The following SAMSN1 variants were observed in gnomAD, a reference collection of about 807,000 sequenced individuals.
SAMSN1 encodes the protein SAM domain, SH3 domain and nuclear localization signals 1.
Under a neutral mutation model 42.0 loss-of-function variants are expected in SAMSN1, and 31 were observed. The ratio of observed to expected loss-of-function variants is 0.74; its 90% CI spans 0.55 to 1.00. The LOEUF (loss-of-function observed/expected upper bound fraction) is 1.00. Ranked by LOEUF, SAMSN1 falls within the 50% of genes least tolerant of loss-of-function variation. SAMSN1 has a pLI of 0.00. For missense variants in SAMSN1, 464 were observed against 439.4 expected, an observed-to-expected ratio of 1.06 and a Z score of -0.50; for synonymous variants, 178 against 151.9, an observed-to-expected ratio of 1.17 and a Z score of -1.26.
At chr21:14,567,857 T>C (rs748329915) in intron 2 of SAMSN1, among the ~76,000 whole-genome samples, 3 of 152,154 alleles carry the variant, frequency 2.0e-5, no homozygotes, top group Non-Finnish European at 2.9e-5. Context: ...TTGCCTACTT[T>C]ACAGGATTGT....
intron 7 of SAMSN1, among the ~76,000 whole-genome samples, chr21:14,489,460 A>C (rs1371625689): frequency 1.3e-5 from 2 of 152,208 alleles, no homozygotes; most frequent in African/African-American, 2.4e-5. Context: ...TTCTCAGGTC[A>C]TCCACATTGT....
chr21:14,641,251 C>T lies in SAMSN1; in HGVS notation c.156+1751G>A, dbSNP rs533622209. On this transcript the variant is annotated intron_variant, in intron 2 of 15. Transcript: ENST00000647101. ...TGTAAAGGTAAGGGAAGAGTTTCCA[C>T]TGCATTGAAAAATATTTTTGTATTA... is the stretch of plus-strand genomic sequence containing the variant. Among the ~76,000 whole-genome samples, 103 of 152,260 alleles carry T rather than the reference C, an allele frequency of 6.8e-4. No homozygotes were observed. The Middle Eastern group carries it at 0.014, about 20-fold the overall frequency.
chr21:14,611,645 G>C (rs1389206621), intron 4 of SAMSN1, among the ~76,000 whole-genome samples: 1 of 152,180 alleles, frequency 6.6e-6, no homozygotes, highest in Non-Finnish European at 1.5e-5. Flanking sequence ...TTAAGACTGT[G>C]CACTATTCAA....
At chr21:14,564,842 G>T (rs73891819) in intron 2 of SAMSN1, among the ~76,000 whole-genome samples, 5,197 of 152,192 alleles carry the variant, frequency 0.034, 219 homozygotes, top group African/African-American at 0.1. Context: ...ACCGAAGGCT[G>T]GGGAGGATCA....
intron 2 of SAMSN1, chr21:14,619,671 AT>A (rs1982948809): frequency 3.0e-6 from 1 of 329,410 alleles, no homozygotes; most frequent in African/African-American, 2.2e-5. Context: ...CATGGCTGAT[AT>A]TCCTATAACA....
intron 1 of SAMSN1, among the ~76,000 whole-genome samples, chr21:14,545,915 C>T (rs1437309869): frequency 2.0e-5 from 3 of 152,146 alleles, no homozygotes; most frequent in Admixed American, 2.0e-4. Context: ...AACAAACACT[C>T]AGAGACCACT....
At chr21:14,599,931 A>G (rs559516307) in intron 6 of SAMSN1, among the ~76,000 whole-genome samples, 2 of 152,238 alleles carry the variant, frequency 1.3e-5, no homozygotes, top group South Asian at 4.2e-4. Context: ...GACACTCACC[A>G]ACTCTCTTGA....
chr21:14,498,703 T>C lies in SAMSN1; in HGVS notation c.769-111A>G, dbSNP rs141928553. ...TGCACATGGGGACCAAAGGTGCCAA[T>C]AGAACTTTTACTTAACTTCACTTGT... is the stretch of plus-strand genomic sequence containing the variant. On this transcript the variant is annotated intron_variant, in intron 6 of 7. Transcript: ENST00000400566. 1.7e-3 allele frequency: 1,302 copies of C among 760,314 alleles called. 5 individuals carry two copies. The African/African-American group carries it at 0.018, about 11-fold the overall frequency. 47.1% of individuals were successfully genotyped at this position (760,314 alleles called of 1,614,324 possible).
At chr21:14,581,344 CTTTTTTTTTTTTTTTT>C (rs56728511) in intron 2 of SAMSN1, among the ~76,000 whole-genome samples, 6 of 32,592 alleles carry the variant, frequency 1.8e-4, no homozygotes, top group Non-Finnish European at 2.8e-4. Flanking sequence ...AATAATATTT[CTTTTTTTTTTTTTTTT>C]TTTTTTTTTT....
In SAMSN1 at chr21:14,575,204, T is replaced by A. The variant is rs142248384; in HGVS notation, c.261+6932A>T. ...CATGCAGAATCTCCTAATTTTCAAA[T>A]TCTTCTCTTGGGTAAATGCTGATTC... On this transcript the variant is annotated intron_variant, in intron 2 of 8. Transcript: ENST00000285670. 7.6e-3 allele frequency among the ~76,000 whole-genome samples: 1,152 copies of A among 152,286 alleles called. 12 individuals carry two copies. The highest frequency in any genetic ancestry group is 0.025 in the African/African-American group (1,039 of 41,564).
rs551815850 is a variant in SAMSN1, at chr21:14,644,246, G to A, written c.25-1113C>T. Among the ~76,000 whole-genome samples the A allele has an allele frequency of 3.3e-5, 5 of 152,172 alleles. No homozygotes were observed. In the East Asian group the frequency reaches 7.8e-4, roughly 24 times the overall value. On this transcript the variant is annotated intron_variant, in intron 1 of 15. Transcript: ENST00000647101. ...CCTAACCCTAGGCTGCATATCTTGA[G>A]GCTCCAAAAGAGACCCCTTCCTTCT...
At chr21:14,493,749 T>G (rs755731895) in intron 7 of SAMSN1, among the ~76,000 whole-genome samples, 15 of 152,236 alleles carry the variant, frequency 9.9e-5, no homozygotes, top group Non-Finnish European at 2.1e-4. Flanking sequence ...CTTCAAGAGC[T>G]GCATCTCACT....
chr21:14,490,585 A>G (rs950716415), intron 7 of SAMSN1, among the ~76,000 whole-genome samples: 4 of 152,338 alleles, frequency 2.6e-5, no homozygotes, highest in South Asian at 2.1e-4. Context: ...TCTAAAGCCC[A>G]TTCTTAAGTT....
chr21:14,513,227 A>G (rs1769702999), intron 3 of SAMSN1, among the ~76,000 whole-genome samples: 2 of 152,198 alleles, frequency 1.3e-5, no homozygotes, highest in South Asian at 4.1e-4. Context: ...AATAGTTTGG[A>G]TTAAACCTAT....
At chr21:14,611,419 G>A (rs1982704114) in intron 4 of SAMSN1, among the ~76,000 whole-genome samples, 1 of 152,184 alleles carries the variant, frequency 6.6e-6, no homozygotes, top group Non-Finnish European at 1.5e-5. Flanking sequence ...TAACACAAAT[G>A]TTGAATAATG....
chr21:14,650,601 A>G (rs1369535882), intron 1 of SAMSN1, among the ~76,000 whole-genome samples: 1 of 152,106 alleles, frequency 6.6e-6, no homozygotes, highest in South Asian at 2.1e-4. Context: ...GCAAATGAAC[A>G]ACCCAACAAT....
chr21:14,567,798 C>A (rs540562856), intron 2 of SAMSN1, among the ~76,000 whole-genome samples: 64 of 151,712 alleles, frequency 4.2e-4, no homozygotes, highest in African/African-American at 1.5e-3. Context: ...TGACCTTGGG[C>A]GAGTTCCTCA....
rs74608483 is a variant in SAMSN1 at position 14,524,390 on chromosome 21, T to C, written c.58-3169A>G. ...TAAATAAGCAGTGTCAAAAAGAAGA[T>C]GAGCTTAAATAAAAATGCTATATAT... On this transcript the variant is annotated intron_variant, in intron 1 of 7. Transcript: ENST00000400566. 6.0e-3 allele frequency among the ~76,000 whole-genome samples: 915 copies of C among 152,246 alleles called. 5 individuals carry two copies. Among genetic ancestry groups the C allele is most frequent in the Middle Eastern group, 0.048 (14 of 294 alleles).
intron 1 of SAMSN1, among the ~76,000 whole-genome samples, chr21:14,539,781 C>G (rs148134494): frequency 6.6e-6 from 1 of 152,026 alleles, no homozygotes; most frequent in Non-Finnish European, 1.5e-5. Context: ...TCCACAGAAT[C>G]GGAAAAAACT....
Sources: allele counts gnomAD v4.1 joint callset (sites outside exome capture counted in the v4.1 genomes callset), GRCh38; gene constraint gnomAD v4.1.1; transcripts MANE v1.5; gene names NCBI Gene and HGNC (gene_info 2026-07-23, HGNC 2026-07-21).